MYH3: variants seen among roughly 807,000 people sequenced by gnomAD.
The protein encoded by MYH3 is myosin-3.
A neutral mutation model predicts 238.0 loss-of-function variants in MYH3; 130 were observed. The observed-to-expected ratio is 0.55, with a 90% CI of 0.47 to 0.63. The LOEUF (loss-of-function observed/expected upper bound fraction) is 0.63, where lower values mean the gene tolerates loss of function less well. Among genes scored for constraint, MYH3 ranks in the 30% least tolerant of loss-of-function variants. The pLI, the probability that MYH3 is intolerant of heterozygous loss-of-function variation, is 0.00. For missense variants in MYH3, 1,853 were observed against 2,374.9 expected (o/e 0.78, Z 4.57); for synonymous variants, 880 against 924.1 (o/e 0.95, Z 0.86).
Position 10,649,567 on chromosome 17 carries a change from C to G in MYH3, c.642+10G>C. The stretch of plus-strand genomic sequence containing the variant: ...TGGAAGCAAAGCAAGCCTTCCTCTC[C>G]CATCTATACCTTCATTTTGGAGTCC... On this transcript the variant is annotated intron_variant, in intron 7 of 40. Coordinates refer to ENST00000583535, the MANE Select transcript of MYH3 (RefSeq NM_002470.4). 1 of 1,600,872 alleles carries G rather than the reference C, an allele frequency of 6.2e-7. No individual in the cohort carries two copies. The highest frequency in any genetic ancestry group is 8.6e-7 in the Non-Finnish European group (1 of 1,167,904).
In MYH3 at chr17:10,638,912, T is replaced by C. The variant is rs761522660; in HGVS notation, c.3300A>G (p.Thr1100=). The change falls in exon 26 of 41, where the codon ACA becomes ACG. Residue 1100 remains threonine, a synonymous_variant. Coordinates refer to ENST00000583535, the MANE Select transcript of MYH3 (RefSeq NM_002470.4). The stretch of plus-strand genomic sequence containing the variant: ...TTTTCTTCTGAAACTGGAGGCCCAG[T>C]GTCTGCTCATCTTCCACTTTGCTTT... ...QLQSKVEDEQ[T]LGLQFQKKIK... 45 of 1,614,068 alleles carry C rather than the reference T, an allele frequency of 2.8e-5. No individual in the cohort carries two copies. The highest frequency in any genetic ancestry group is 3.6e-5 in the Non-Finnish European group (42 of 1,180,024).
chr17:10,632,121 G>C, intron 34 of MYH3, 105 bp from the exon 35 acceptor site: 2 of 1,353,946 alleles, frequency 1.5e-6, no homozygotes, highest in South Asian at 2.5e-5. Context: ...TTTTTGTTTT[G>C]TTTTGTTTTG....
the MYH3 span, among the ~76,000 whole-genome samples, chr17:10,671,772 G>A: frequency 6.6e-6 from 1 of 151,654 alleles, no homozygotes; most frequent in African/African-American, 2.4e-5. Context: ...GTAGAGACAG[G>A]GTTTCACTGT....
At chr17:10,670,775 A>ACTC in the MYH3 span, among the ~76,000 whole-genome samples, 61 of 152,310 alleles carry the variant, frequency 4.0e-4, 1 homozygote, top group African/African-American at 1.3e-3. This position sits in a 1 kb window ranked among gnomAD's most constrained non-coding sequence, Gnocchi z 7.0. Flanking sequence ...TTACTTGCTC[A>ACTC]AAGTACATAT....
At chr17:10,636,515 C>T (rs576486010) in intron 28 of MYH3, among the ~76,000 whole-genome samples, 1 of 152,162 alleles carries the variant, frequency 6.6e-6, no homozygotes, top group South Asian at 2.1e-4. Context: ...TAGTTAGACT[C>T]TTGGGGGAAT....
chr17:10,642,213 A>G lies in MYH3; in HGVS notation c.1959+27T>C, dbSNP rs376713084. 2.9e-5 allele frequency: 47 copies of G among 1,594,946 alleles called. No individual in the cohort carries two copies. In the African/African-American group the frequency reaches 5.9e-4, roughly 20 times the overall value. ...TTTAGATGTCACTTAAATCAATTATAAGCAAATAAACTTGTATTTTTCTTA... is the reference window on the plus strand; with the variant it reads ...TTTAGATGTCACTTAAATCAATTATGAGCAAATAAACTTGTATTTTTCTTA... On this transcript the variant is annotated intron_variant, in intron 17 of 40. Transcript: ENST00000583535. This position sits in a 1 kb window ranked among gnomAD's most constrained non-coding sequence, Gnocchi z 5.4.
Position 10,642,604 on chromosome 17 carries a change from G to C in MYH3, c.1701C>G (p.Pro567=). The change falls in exon 16 of 41, where the codon CCC becomes CCG. Residue 567 remains proline, a synonymous_variant. Coordinates refer to ENST00000583535, the MANE Select transcript of MYH3 (RefSeq NM_002470.4). The surrounding 1 kb of genome is among the most constrained non-coding windows in gnomAD (Gnocchi z 5.4). ...CCTCGGCCCTGCCTTTGACCACCTT[G>C]GGCTTCTGGAAGTTGTTGGACTTTC... ...HLGKSNNFQK[P]KVVKGRAEAH... The C allele has an allele frequency of 1.2e-6, 2 of 1,614,140 alleles. No individual in the cohort carries two copies. Among genetic ancestry groups the C allele is most frequent in the Non-Finnish European group, 8.5e-7 (1 of 1,180,034 alleles).
Position 10,639,203 on chromosome 17 carries a change from C to T in MYH3, c.3103-14G>A. The T allele has an allele frequency of 6.2e-7, 1 of 1,614,170 alleles. No individual in the cohort carries two copies. The highest frequency in any genetic ancestry group is 8.5e-7 in the Non-Finnish European group (1 of 1,180,018). ...GGAGCTTTCCAGCTGAAAAAGGCAC[C>T]ATTTCCTTTTGGGAACAAATGCTTT... is the stretch of plus-strand genomic sequence containing the variant. On this transcript the variant is annotated splice_polypyrimidine_tract_variant and intron_variant, in intron 24 of 40. Transcript: ENST00000583535.
chr17:10,653,796 C>T (rs976790222), intron 3 of MYH3, among the ~76,000 whole-genome samples: 2 of 152,212 alleles, frequency 1.3e-5, no homozygotes, highest in Non-Finnish European at 2.9e-5. Context: ...GGCCAATGGG[C>T]CCTGGCTGTC....
At position 10,630,405 on chromosome 17, in the gene MYH3, A is replaced by G; in HGVS notation, c.5340T>C (p.Leu1780=). 6.2e-7 allele frequency: 1 copy of G among 1,614,034 alleles called. No homozygotes were observed. The highest frequency in any genetic ancestry group is 1.1e-5 in the South Asian group (1 of 91,074). ...LKKEQDTSAH[L]ERMKKNLEQT... ...GTTCCAGGTTCTTCTTCATCCGCTC[A>G]AGGTGGGCGCTGGTGTCCTGCTCCT... The change falls in exon 37 of 41, where the codon CTT becomes CTC. Residue 1780 remains leucine (L), a synonymous_variant. Coordinates refer to ENST00000583535, the MANE Select transcript of MYH3 (RefSeq NM_002470.4).
At chr17:10,653,336 G>T (rs181327418) in intron 3 of MYH3, among the ~76,000 whole-genome samples, 1 of 152,282 alleles carries the variant, frequency 6.6e-6, no homozygotes, top group East Asian at 1.9e-4. Context: ...TGAGGAAGGG[G>T]CATTGGATTG....
chr17:10,650,519 G>C, intron 5 of MYH3, 118 bp from the exon 6 acceptor site: 1 of 951,424 alleles, frequency 1.1e-6, no homozygotes, highest in East Asian at 2.6e-5. Flanking sequence ...TACATTTTTT[G>C]TTTAGCCTTT....
chr17:10,637,269 A>G (rs2074224701), intron 28 of MYH3, among the ~76,000 whole-genome samples: 1 of 152,060 alleles, frequency 6.6e-6, no homozygotes, highest in African/African-American at 2.4e-5. Context: ...CATGTCGGCC[A>G]GGCTGGTCTT....
rs761530094 is a variant in MYH3 at position 10,644,653 on chromosome 17, T to C, written c.1191A>G (p.Leu397=). 2 of 1,613,984 alleles carry C rather than the reference T, an allele frequency of 1.2e-6. No homozygotes were observed. The highest frequency in any genetic ancestry group is 2.2e-5 in the East Asian group (1 of 44,898). ...TCACTCTAGGAAAGCACAAAGCTTTTAGGAGGTCCGAAGAGTTCAGGCCCA... is the reference window on the plus strand; with the variant it reads ...TCACTCTAGGAAAGCACAAAGCTTTCAGGAGGTCCGAAGAGTTCAGGCCCA... ...YLMGLNSSDL[L]KALCFPRVKV... Residue 397 remains leucine, a synonymous_variant, in exon 13 of 41, where the codon CTA becomes CTG. Transcript: ENST00000583535.
At chr17:10,659,644 C>T (rs1876726), upstream of MYH3, among the ~76,000 whole-genome samples, 8 of 152,200 alleles carry the variant, frequency 5.3e-5, no homozygotes, top group Non-Finnish European at 1.0e-4. Context: ...CACGTTCCCC[C>T]AGATGAACTG....
At chr17:10,660,089 G>A (rs967210477), upstream of MYH3, among the ~76,000 whole-genome samples, 1 of 152,254 alleles carries the variant, frequency 6.6e-6, no homozygotes, top group African/African-American at 2.4e-5. Flanking sequence ...CACACCACGT[G>A]ATGGCAGGCA....
chr17:10,635,941 C>G, intron 28 of MYH3, 88 bp from the exon 29 acceptor site: 1 of 1,094,312 alleles, frequency 9.1e-7, no homozygotes, highest in Non-Finnish European at 1.4e-6. Flanking sequence ...GTGCTAAGAT[C>G]TGGGGAGACA....
At chr17:10,635,976 C>T in intron 28 of MYH3, 123 bp from the exon 29 acceptor site, 3 of 857,914 alleles carry the variant, frequency 3.5e-6, no homozygotes, top group Non-Finnish European at 5.8e-6. Context: ...ATGGTTTCTT[C>T]TTCAGGGAGA....
In MYH3 at chr17:10,642,478, C is replaced by G. The variant is rs1171835862; in HGVS notation, c.1827G>C (p.Leu609=). Residue 609 remains leucine, a synonymous_variant, in exon 16 of 41, where the codon CTG becomes CTC. Coordinates refer to ENST00000583535, the MANE Select transcript of MYH3 (RefSeq NM_002470.4). The surrounding 1 kb of genome is among the most constrained non-coding windows in gnomAD (Gnocchi z 5.4). ...GGAGCCTGTTGGAAGACTTCTGGTA[C>G]AGCCCAACCACAGTCTCGTTCAGAG... is the stretch of plus-strand genomic sequence containing the variant. ...KDPLNETVVG[L]YQKSSNRLLA... is the part of the protein sequence containing the mutation. 1 of 1,614,204 alleles carries G rather than the reference C, an allele frequency of 6.2e-7. No individual in the cohort carries two copies.
Sources: gnomAD v4.1 joint callset for allele counts (sites outside exome capture counted in the v4.1 genomes callset) on GRCh38, gnomAD v4.1.1 for gene constraint, Gnocchi (gnomAD v3.1) non-coding constraint, MANE v1.5 for transcripts, NCBI Gene and HGNC (gene_info 2026-07-23, HGNC 2026-07-21) for gene names.